Variants in RNF185 observed in about 807,000 individuals in gnomAD.
The protein encoded by RNF185 is E3 ubiquitin-protein ligase RNF185.
In RNF185, 13 loss-of-function variants were observed where a neutral mutation model predicts 24.9. The observed-to-expected ratio is 0.52, with a 90% CI of 0.34 to 0.83. The LOEUF (loss-of-function observed/expected upper bound fraction) is 0.83. Among genes scored for constraint, RNF185 ranks in the 40% least tolerant of loss-of-function variants. The pLI is 0.01. For missense variants in RNF185, 184 were observed against 244.7 expected (o/e 0.75, Z 1.65); for synonymous variants, 79 against 90.3 (o/e 0.88, Z 0.71).
In RNF185 at chr22:31,201,512, T is replaced by C; in HGVS notation, c.378T>C (p.Phe126=). ...EPENRGGFQG[F]GFGDGGFQMS... ...CTTCCACACAGGGATTTCAAGGATT[T>C]GGATTTGGAGATGGTGGCTTCCAGA... The change falls in exon 6 of 7, where the codon TTT becomes TTC. Residue 126 remains phenylalanine, a synonymous_variant. Coordinates refer to ENST00000326132, the MANE Select transcript of RNF185 (RefSeq NM_152267.4). The C allele has an allele frequency of 1.9e-6, 3 of 1,611,546 alleles. No individual in the cohort carries two copies. Among genetic ancestry groups the C allele is most frequent in the South Asian group, 1.1e-5 (1 of 90,984 alleles).
chr22:31,175,151 T>G (rs1252467728), intron 1 of RNF185, among the ~76,000 whole-genome samples: 1 of 150,912 alleles, frequency 6.6e-6, no homozygotes, highest in Non-Finnish European at 1.5e-5. Flanking sequence ...CCCACTCAGA[T>G]ATGTGTTATC....
At chr22:31,189,135 A>ATTGTGTGTG (rs368967009) in intron 2 of RNF185, among the ~76,000 whole-genome samples, 4 of 136,872 alleles carry the variant, frequency 2.9e-5, no homozygotes, top group African/African-American at 5.5e-5. Context: ...CAAAAAAAAA[A>ATTGTGTGTG]TGTGTGTGTG....
intron 2 of RNF185, among the ~76,000 whole-genome samples, chr22:31,188,854 C>T (rs1448359806): frequency 6.6e-6 from 1 of 151,578 alleles, no homozygotes; most frequent in Non-Finnish European, 1.5e-5. Flanking sequence ...GGCGCGGTGG[C>T]TCACGCCTGT....
At chr22:31,170,111 C>T (rs908061356) in intron 1 of RNF185, among the ~76,000 whole-genome samples, 3 of 152,166 alleles carry the variant, frequency 2.0e-5, no homozygotes, top group Non-Finnish European at 4.4e-5. Context: ...TCTATAGCAC[C>T]TGACTCTGAT....
chr22:31,187,333 G>A (rs1176762340), intron 2 of RNF185, 63 bp downstream of exon 2: 9 of 1,588,674 alleles, frequency 5.7e-6, no homozygotes, highest in African/African-American at 1.3e-5. Flanking sequence ...TGTGGCCCTG[G>A]GTGGTTTGGA....
At chr22:31,182,018 A>G (rs1458486435) in intron 1 of RNF185, among the ~76,000 whole-genome samples, 2 of 150,990 alleles carry the variant, frequency 1.3e-5, no homozygotes, top group African/African-American at 4.9e-5. Context: ...ATATATATAT[A>G]TTTAAAAAAA....
chr22:31,201,407 A>G (rs543798362), intron 5 of RNF185, 91 bp from the exon 6 acceptor site: 8 of 920,356 alleles, frequency 8.7e-6, no homozygotes, highest in Admixed American at 6.9e-5. Context: ...CAGGTGCCAC[A>G]TGCAAGACAA....
chr22:31,172,433 G>A, intron 1 of RNF185, among the ~76,000 whole-genome samples: 1 of 151,334 alleles, frequency 6.6e-6, no homozygotes, highest in Non-Finnish European at 1.5e-5. Context: ...ATAGGGGCTA[G>A]GCACTGTTTC....
rs538207306 is a variant in RNF185, at chr22:31,195,663, C to T, written c.308+82C>T. ...CCATTCAGCATCCCCTAACCCCACC[C>T]TTTACTTAGTACTAGATGATCTCTT... On this transcript the variant is annotated intron_variant, in intron 4 of 6. Transcript: ENST00000326132. 1,952 of 844,368 alleles carry T rather than the reference C, an allele frequency of 2.3e-3. 13 individuals are homozygous for T. The highest frequency in any genetic ancestry group is 1.3e-3 in the Non-Finnish European group (668 of 519,316). The allele number at this position is 844,368 out of a possible 1,614,324, so 52.3% of individuals were successfully genotyped here.
intron 1 of RNF185, among the ~76,000 whole-genome samples, chr22:31,178,985 C>T (rs1229787751): frequency 6.6e-6 from 1 of 152,168 alleles, no homozygotes; most frequent in Non-Finnish European, 1.5e-5. Flanking sequence ...TTAGGCAGTC[C>T]TCTAATGTCC....
Position 31,192,745 on chromosome 22 carries a change from T to C in RNF185, c.195+43T>C, listed in dbSNP as rs1390474312. 2.5e-6 allele frequency: 4 copies of C among 1,598,964 alleles called. No homozygotes were observed. In the African/African-American group the frequency reaches 5.4e-5, roughly 21 times the overall value. Reference sequence around the variant, plus strand: ...TTACTTTGTCTTTCATCAGCTCTGGTTGCACAAGAGAGCCCTAGTCTCAGG... The same window carrying C: ...TTACTTTGTCTTTCATCAGCTCTGGCTGCACAAGAGAGCCCTAGTCTCAGG... On this transcript the variant is annotated intron_variant, in intron 3 of 6. Transcript: ENST00000326132.
chr22:31,161,876 C>CT (rs35063806), intron 1 of RNF185, among the ~76,000 whole-genome samples: 60,636 of 127,756 alleles, frequency 0.47, 15,608 homozygotes, highest in Middle Eastern at 0.7. Flanking sequence ...CAAGTTCCAG[C>CT]TTTTTTTTTT....
chr22:31,176,093 A>G (rs1300336487), intron 1 of RNF185, among the ~76,000 whole-genome samples: 1 of 152,128 alleles, frequency 6.6e-6, no homozygotes, highest in African/African-American at 2.4e-5. Flanking sequence ...CAGAGTACTC[A>G]CTATGGAAAA....
chr22:31,193,330 C>T lies in RNF185; in HGVS notation c.195+628C>T, dbSNP rs548798955. On this transcript the variant is annotated intron_variant, in intron 3 of 6. Transcript: ENST00000326132. ...GAAAGAAGGTGGGAACAGGGCTGCACATTCTGTCCCCAGCGGGACCTGGTA... is the reference window on the plus strand; with the variant it reads ...GAAAGAAGGTGGGAACAGGGCTGCATATTCTGTCCCCAGCGGGACCTGGTA... Among the ~76,000 whole-genome samples, 4 of 152,316 alleles carry T rather than the reference C, an allele frequency of 2.6e-5. 1 individual carries two copies. The South Asian group carries it at 8.3e-4, about 32-fold the overall frequency.
At chr22:31,189,278 A>ATT (rs1352436633) in intron 2 of RNF185, among the ~76,000 whole-genome samples, 56 of 81,184 alleles carry the variant, frequency 6.9e-4, no homozygotes, top group African/African-American at 9.3e-4. Flanking sequence ...GCTGTTGTAT[A>ATT]TCTTTTTTTT....
At chr22:31,171,732 G>T (rs2047932054) in intron 1 of RNF185, among the ~76,000 whole-genome samples, 1 of 152,174 alleles carries the variant, frequency 6.6e-6, no homozygotes, top group African/African-American at 2.4e-5. Context: ...ACTTTGGGAG[G>T]CCGAGGCAAG....
In RNF185 at chr22:31,204,047, G is replaced by GA. The variant is rs34570885; in HGVS notation, c.482-427dup. Among the ~76,000 whole-genome samples the GA allele has an allele frequency of 7.4e-3, 828 of 112,020 alleles. 8 individuals are homozygous for GA. The highest frequency in any genetic ancestry group is 0.025 in the South Asian group (93 of 3,748). The allele number at this position is 112,020 out of a possible 152,430, so 73.5% of individuals were successfully genotyped here. A position where few individuals can be genotyped will look rare whatever the true frequency, so the allele number is the denominator to read the frequency against. ...CAAGAGCAAAACTCCACCTCAAAAA[G>GA]AAAAAAAAAAAAAAAGGCCAGGCAT... On this transcript the variant is annotated intron_variant, in intron 6 of 6. Coordinates refer to ENST00000326132, the MANE Select transcript of RNF185 (RefSeq NM_152267.4).
At chr22:31,200,137 A>G (rs2048246300) in intron 5 of RNF185, among the ~76,000 whole-genome samples, 1 of 152,134 alleles carries the variant, frequency 6.6e-6, no homozygotes, top group Non-Finnish European at 1.5e-5. Context: ...TGGGAGGATC[A>G]CTTGAGCCCA....
chr22:31,163,163 C>A (rs984659700), intron 1 of RNF185, among the ~76,000 whole-genome samples: 3 of 152,112 alleles, frequency 2.0e-5, no homozygotes, highest in African/African-American at 7.2e-5. Context: ...TTCAGTCACA[C>A]CCATTTATTT....
Sources: gnomAD v4.1 joint callset for allele counts (sites outside exome capture counted in the v4.1 genomes callset) on GRCh38, gnomAD v4.1.1 for gene constraint, MANE v1.5 for transcripts, NCBI Gene and HGNC (gene_info 2026-07-23, HGNC 2026-07-21) for gene names.